NTNG1: variants seen among roughly 807,000 people sequenced by gnomAD.
The protein encoded by NTNG1 is netrin G1, also known as netrin-G1.
A neutral mutation model predicts 54.0 loss-of-function variants in NTNG1; 16 were observed. The observed-to-expected ratio is 0.30, with a 90% CI of 0.20 to 0.45. NTNG1 has a LOEUF of 0.45. NTNG1 is among the 20% of genes least tolerant of loss of function. The probability of loss-of-function intolerance (pLI) is 1.00; values close to 1 mark genes in which losing one functional copy is unlikely to be tolerated. For synonymous variants in NTNG1, 255 were observed against 263.1 expected, an observed-to-expected ratio of 0.97 and a Z score of 0.30; for missense variants, 530 against 678.7, an observed-to-expected ratio of 0.78 and a Z score of 2.43.
intron 3 of NTNG1, among the ~76,000 whole-genome samples, chr1:107,353,958 A>G (rs113926001): frequency 0.017 from 2,620 of 152,160 alleles, 68 homozygotes; most frequent in African/African-American, 0.056. Flanking sequence ...GAAGTCACTC[A>G]CTATCATGAA....
chr1:107,258,132 C>G (rs1372553133), intron 2 of NTNG1, among the ~76,000 whole-genome samples: 1 of 151,584 alleles, frequency 6.6e-6, no homozygotes, highest in Non-Finnish European at 1.5e-5. Flanking sequence ...ATAGGATCAT[C>G]TATGTTTGGG....
At chr1:107,378,168 G>C (rs1344018168) in intron 3 of NTNG1, among the ~76,000 whole-genome samples, 1 of 152,170 alleles carries the variant, frequency 6.6e-6, no homozygotes, top group African/African-American at 2.4e-5. Context: ...TTAGACAATA[G>C]GTCTAAACCA....
At chr1:107,361,451 G>A (rs541090663) in intron 3 of NTNG1, among the ~76,000 whole-genome samples, 61 of 142,970 alleles carry the variant, frequency 4.3e-4, no homozygotes, top group African/African-American at 1.5e-3. Flanking sequence ...GTGCAATGGC[G>A]TGATCTCAGC....
At chr1:107,461,159 G>T (rs1489709842) in intron 7 of NTNG1, among the ~76,000 whole-genome samples, 1 of 152,240 alleles carries the variant, frequency 6.6e-6, no homozygotes, top group African/African-American at 2.4e-5. Context: ...CATAGACCCT[G>T]CTCTCAAGGA....
intron 2 of NTNG1, among the ~76,000 whole-genome samples, chr1:107,213,213 T>C (rs1035466122): frequency 1.3e-5 from 2 of 152,092 alleles, no homozygotes; most frequent in Non-Finnish European, 2.9e-5. Flanking sequence ...TGAATTGATC[T>C]GATTTTGCAC....
chr1:107,356,222 A>G (rs1669923418), intron 3 of NTNG1, among the ~76,000 whole-genome samples: 1 of 152,208 alleles, frequency 6.6e-6, no homozygotes, highest in African/African-American at 2.4e-5. Flanking sequence ...TAAGATTAAA[A>G]TGATATTGAC....
intron 3 of NTNG1, among the ~76,000 whole-genome samples, chr1:107,389,510 C>T (rs576504451): frequency 6.6e-6 from 1 of 152,144 alleles, no homozygotes; most frequent in African/African-American, 2.4e-5. Context: ...TTTTTATAAG[C>T]AAGATTAAAT....
chr1:107,376,458 C>T (rs1032361485), intron 3 of NTNG1, among the ~76,000 whole-genome samples: 14 of 151,722 alleles, frequency 9.2e-5, no homozygotes, highest in African/African-American at 3.4e-4. Context: ...ATTGTATTTC[C>T]ATTTTACAGA....
chr1:107,341,464 G>A (rs986920473), intron 3 of NTNG1, among the ~76,000 whole-genome samples: 1 of 152,084 alleles, frequency 6.6e-6, no homozygotes. Flanking sequence ...GGAAGAGCAA[G>A]CTTAGTTTTC....
At chr1:107,445,290 T>C (rs1158979474) in intron 7 of NTNG1, among the ~76,000 whole-genome samples, 1 of 152,160 alleles carries the variant, frequency 6.6e-6, no homozygotes, top group Admixed American at 6.6e-5. Flanking sequence ...TTGAATTTCC[T>C]TCTGTGAAAT....
At chr1:107,299,676 T>C (rs1028838291) in intron 2 of NTNG1, among the ~76,000 whole-genome samples, 2 of 152,176 alleles carry the variant, frequency 1.3e-5, no homozygotes, top group African/African-American at 4.8e-5. Context: ...CTGACACCAG[T>C]GTCCAAGCCT....
chr1:107,248,931 C>G (rs1452359689), intron 2 of NTNG1, among the ~76,000 whole-genome samples: 2 of 150,642 alleles, frequency 1.3e-5, no homozygotes, highest in African/African-American at 2.5e-5. Flanking sequence ...GGCGGATCAT[C>G]TGAGGTCAGG....
intron 2 of NTNG1, among the ~76,000 whole-genome samples, chr1:107,279,943 G>T (rs545500041): frequency 6.6e-6 from 1 of 152,054 alleles, no homozygotes. Context: ...GACTAGAGGT[G>T]CACACCACCA....
intron 2 of NTNG1, among the ~76,000 whole-genome samples, chr1:107,217,497 C>G (rs116485910): frequency 6.6e-6 from 1 of 151,940 alleles, no homozygotes; most frequent in African/African-American, 2.4e-5. Context: ...TGCTGGGTTT[C>G]GGTTTGGTTT....
intron 3 of NTNG1, among the ~76,000 whole-genome samples, chr1:107,374,900 G>C (rs1210795742): frequency 1.3e-5 from 2 of 151,776 alleles, no homozygotes; most frequent in African/African-American, 4.8e-5. Context: ...TTGCTTTTCT[G>C]ACTCGTTCAC....
At chr1:107,322,321 A>G (rs1667705402) in intron 2 of NTNG1, among the ~76,000 whole-genome samples, 1 of 152,026 alleles carries the variant, frequency 6.6e-6, no homozygotes, top group South Asian at 2.1e-4. Flanking sequence ...CATACCCCTG[A>G]CCTCAGATGA....
At chr1:107,235,882 C>G (rs1661378210) in intron 2 of NTNG1, among the ~76,000 whole-genome samples, 2 of 152,110 alleles carry the variant, frequency 1.3e-5, no homozygotes, top group Non-Finnish European at 2.9e-5. Flanking sequence ...GTCCAGGGCT[C>G]ACTAAGATAC....
chr1:107,427,188 T>C (rs1423655077), intron 5 of NTNG1, among the ~76,000 whole-genome samples: 1 of 152,114 alleles, frequency 6.6e-6, no homozygotes, highest in Admixed American at 6.6e-5. Context: ...TCTTGCCTGA[T>C]AGCTCTGGCT....
At chr1:107,304,605 C>A (rs1247860992) in intron 2 of NTNG1, among the ~76,000 whole-genome samples, 1 of 152,090 alleles carries the variant, frequency 6.6e-6, no homozygotes, top group East Asian at 1.9e-4. Context: ...ATCCTTGTTG[C>A]AGTTTGATTC....
Sources: allele counts gnomAD v4.1 joint callset (sites outside exome capture counted in the v4.1 genomes callset), GRCh38; gene constraint gnomAD v4.1.1; transcripts MANE v1.5; gene names NCBI Gene and HGNC (gene_info 2026-07-23, HGNC 2026-07-21).